CNTN1: variants seen among roughly 807,000 people sequenced by gnomAD.
The protein encoded by CNTN1 is contactin 1.
CNTN1 carries 38 observed loss-of-function variants against 126.4 expected under a neutral mutation model. The ratio of observed to expected loss-of-function variants is 0.30; its 90% CI spans 0.23 to 0.39. CNTN1 has a LOEUF of 0.39. Ranked by LOEUF, CNTN1 falls within the 10% of genes least tolerant of loss-of-function variation. The pLI, the probability that CNTN1 is intolerant of heterozygous loss-of-function variation, is 1.00. For synonymous variants in CNTN1, 413 were observed against 422.6 expected, an observed-to-expected ratio of 0.98 and a Z score of 0.28; for missense variants, 1,009 against 1,248.4, an observed-to-expected ratio of 0.81 and a Z score of 2.89.
chr12:40,880,085 A>T (rs1422403169), intron 1 of CNTN1, among the ~76,000 whole-genome samples: 1 of 152,112 alleles, frequency 6.6e-6, no homozygotes, highest in East Asian at 1.9e-4. Flanking sequence ...CAAGGAACAA[A>T]TTTATTTGAG....
In CNTN1 at chr12:40,850,757, G is replaced by T. The variant is rs115080716; in HGVS notation, c.-76-57600G>T. Among the ~76,000 whole-genome samples, 1,379 of 150,872 alleles carry T rather than the reference G, an allele frequency of 9.1e-3. 20 individuals carry two copies. The highest frequency in any genetic ancestry group is 0.032 in the African/African-American group (1,312 of 41,050). ...GTAGATTTGTACCAAGTGATCTGAGGGGTTTCTTTAATTGTTAGTGGGAGT... is the reference window on the plus strand; with the variant it reads ...GTAGATTTGTACCAAGTGATCTGAGTGGTTTCTTTAATTGTTAGTGGGAGT... On this transcript the variant is annotated intron_variant, in intron 1 of 23. Transcript: ENST00000551295.
chr12:40,975,341 G>C (rs1454331512), intron 15 of CNTN1, among the ~76,000 whole-genome samples: 1 of 151,800 alleles, frequency 6.6e-6, no homozygotes, highest in Non-Finnish European at 1.5e-5. Flanking sequence ...TAGAGAAAGA[G>C]AGTAGGGGTG....
At chr12:41,016,291 G>A (rs1480588845) in intron 18 of CNTN1, among the ~76,000 whole-genome samples, 1 of 152,174 alleles carries the variant, frequency 6.6e-6, no homozygotes, top group Non-Finnish European at 1.5e-5. Context: ...AATAGGTAGG[G>A]TGCGGGACAT....
chr12:40,941,476 C>G (rs151233112), intron 12 of CNTN1, among the ~76,000 whole-genome samples: 33 of 152,076 alleles, frequency 2.2e-4, no homozygotes, highest in African/African-American at 7.9e-4. Flanking sequence ...ATTTCTGTAT[C>G]TGGTTAGTGC....
chr12:41,010,545 G>A (rs1948620314), intron 17 of CNTN1, among the ~76,000 whole-genome samples: 1 of 152,146 alleles, frequency 6.6e-6, no homozygotes, highest in Admixed American at 6.5e-5. Flanking sequence ...GTCACCCTTA[G>A]GAGGTTCTCC....
intron 19 of CNTN1, among the ~76,000 whole-genome samples, chr12:41,019,773 A>T (rs1592414197): frequency 6.6e-6 from 1 of 152,128 alleles, no homozygotes. Context: ...ATTTTTTTTT[A>T]AAGATCTTAG....
rs1461584477 is a variant in CNTN1 at position 40,968,902 on chromosome 12, G to A, written c.1804+9668G>A. On this transcript the variant is annotated intron_variant, in intron 15 of 23. Coordinates refer to ENST00000551295, the MANE Select transcript of CNTN1 (RefSeq NM_001843.4). ...GTATTGTGCATCTCTATCATTGTTG[G>A]TACATGGTTTGTCAAATTAATTAGG... Among the ~76,000 whole-genome samples the A allele has an allele frequency of 2.6e-5, 4 of 152,030 alleles. No individual in the cohort carries two copies. In the South Asian group the frequency reaches 6.2e-4, roughly 24 times the overall value.
chr12:40,917,061 C>T (rs1176531571), intron 3 of CNTN1, among the ~76,000 whole-genome samples: 6 of 27,164 alleles, frequency 2.2e-4, no homozygotes, highest in African/African-American at 1.5e-3. Context: ...GTGGTGGGGG[C>T]GGGGGGGGGG....
At chr12:40,954,191 T>C (rs1227316243) in intron 14 of CNTN1, among the ~76,000 whole-genome samples, 1 of 152,068 alleles carries the variant, frequency 6.6e-6, no homozygotes, top group Non-Finnish European at 1.5e-5. Flanking sequence ...GACATTATTC[T>C]TTCCAAATAT....
At chr12:40,924,735 A>T (rs1375592294) in intron 6 of CNTN1, 83 bp downstream of exon 6, 1 of 752,282 alleles carries the variant, frequency 1.3e-6, no homozygotes, top group Admixed American at 1.9e-5. Flanking sequence ...ATGCTACATT[A>T]TTAATAATCA....
chr12:40,722,542 A>G (rs547288980), intron 1 of CNTN1, among the ~76,000 whole-genome samples: 2 of 152,266 alleles, frequency 1.3e-5, no homozygotes, highest in African/African-American at 4.8e-5. Context: ...AGTAAACTCC[A>G]CTCTCAAACA....
chr12:40,971,404 T>C (rs2137046109), intron 15 of CNTN1: 2 of 1,579,572 alleles, frequency 1.3e-6, no homozygotes, highest in African/African-American at 1.3e-5. Flanking sequence ...ATCCACACTC[T>C]CCCTTCAGCC....
At chr12:40,926,171 G>GGATAGATAGATAGATAGATA (rs56862813) in intron 6 of CNTN1, among the ~76,000 whole-genome samples, 446 of 137,608 alleles carry the variant, frequency 3.2e-3, no homozygotes, top group East Asian at 5.1e-3. Context: ...TGCTAAATAA[G>GGATAGATAGATAGATAGATA]GATAGATAGA....
At chr12:40,886,070 T>A (rs902546078) in intron 1 of CNTN1, among the ~76,000 whole-genome samples, 5 of 152,090 alleles carry the variant, frequency 3.3e-5, no homozygotes, top group Non-Finnish European at 2.9e-5. Context: ...GCTGAACTCT[T>A]AATGTTCATA....
chr12:41,025,178 A>T lies in CNTN1; in HGVS notation c.2552A>T (p.Glu851Val). The T allele has an allele frequency of 6.2e-7, 1 of 1,613,960 alleles. No individual in the cohort carries two copies. Among genetic ancestry groups the T allele is most frequent in the Non-Finnish European group, 8.5e-7 (1 of 1,179,886 alleles). ...CGGTATTGGGCTGCCCATGACAAAG[A>T]AGAAGCTGCAAACAGAGTTCAAGTC... ...QIRYWAAHDK[E>V]EAANRVQVTS... is the part of the protein sequence containing the mutation. The change falls in exon 21 of 24, where the codon GAA becomes GTA. Residue 851 changes from glutamate to valine, a missense_variant. Physicochemically the swap from Glu to Val is moderately radical, Grantham distance 121. Transcript: ENST00000551295.
At chr12:40,936,698 A>G (rs1171982354) in intron 9 of CNTN1, 83 bp from the exon 10 acceptor site, 2 of 1,550,060 alleles carry the variant, frequency 1.3e-6, no homozygotes, top group Non-Finnish European at 1.8e-6. Flanking sequence ...AATTAGGTTA[A>G]CTAAATGTAA....
At chr12:41,027,784 C>T in intron 21 of CNTN1, 73 bp from the exon 22 acceptor site, 1 of 898,550 alleles carries the variant, frequency 1.1e-6, no homozygotes, top group Admixed American at 1.8e-5. Flanking sequence ...CATTATAATA[C>T]CTGATGCAAT....
At chr12:40,989,991 C>T (rs370141201) in intron 16 of CNTN1, among the ~76,000 whole-genome samples, 3 of 151,682 alleles carry the variant, frequency 2.0e-5, no homozygotes, top group African/African-American at 4.8e-5. Flanking sequence ...GAAGTGCCAC[C>T]GAGATTTGCA....
chr12:40,808,423 T>A (rs11835222), intron 1 of CNTN1, among the ~76,000 whole-genome samples: 137 of 152,184 alleles, frequency 9.0e-4, no homozygotes, highest in African/African-American at 3.2e-3. Context: ...TCATCGAACA[T>A]CATATAATTG....
Sources: gnomAD v4.1 joint callset for allele counts (sites outside exome capture counted in the v4.1 genomes callset) on GRCh38, gnomAD v4.1.1 for gene constraint, MANE v1.5 for transcripts, NCBI Gene and HGNC (gene_info 2026-07-23, HGNC 2026-07-21) for gene names.